PCBP3: variants seen among roughly 807,000 people sequenced by gnomAD.
The protein encoded by PCBP3 is poly(rC)-binding protein 3.
In PCBP3, 25 loss-of-function variants were observed where a neutral mutation model predicts 52.7. The observed-to-expected ratio is 0.47, with a 90% CI of 0.35 to 0.66. The LOEUF is 0.66. Ranked by LOEUF, PCBP3 falls within the 30% of genes least tolerant of loss-of-function variation. PCBP3 has a pLI of 0.01. For missense variants in PCBP3, 391 were observed against 490.3 expected (o/e 0.80, Z 1.91); for synonymous variants, 162 against 183.0 (o/e 0.89, Z 0.93).
chr21:45,695,557 A>T (rs74813739), intron 2 of PCBP3, among the ~76,000 whole-genome samples: 1 of 152,088 alleles, frequency 6.6e-6, no homozygotes, highest in East Asian at 1.9e-4. Flanking sequence ...AGTTTCTTCC[A>T]TTTCTTAGGA....
intron 4 of PCBP3, among the ~76,000 whole-genome samples, chr21:45,787,799 A>G (rs989754462): frequency 2.0e-5 from 3 of 152,156 alleles, no homozygotes; most frequent in Non-Finnish European, 4.4e-5. Context: ...GGCACCTTTG[A>G]CGCTTCACAA....
chr21:45,864,527 T>G (rs2094633532), intron 5 of PCBP3, among the ~76,000 whole-genome samples: 1 of 152,268 alleles, frequency 6.6e-6, no homozygotes, highest in African/African-American at 2.4e-5. Flanking sequence ...GTAAATGAAC[T>G]AAAGTGTTCC....
intron 4 of PCBP3, among the ~76,000 whole-genome samples, chr21:45,775,984 T>G (rs1287916097): frequency 6.6e-6 from 1 of 152,230 alleles, no homozygotes; most frequent in Non-Finnish European, 1.5e-5. Flanking sequence ...GCTATAAAAT[T>G]CCCTCTTAGC....
chr21:45,705,215 C>G (rs946100768), intron 2 of PCBP3, among the ~76,000 whole-genome samples: 1 of 152,210 alleles, frequency 6.6e-6, no homozygotes, highest in African/African-American at 2.4e-5. Context: ...TCTGTGGAGA[C>G]TGGCTGTGTC....
chr21:45,852,169 A>G (rs1484474734), intron 5 of PCBP3, among the ~76,000 whole-genome samples: 1 of 152,264 alleles, frequency 6.6e-6, no homozygotes, highest in Non-Finnish European at 1.5e-5. Context: ...TGATCATTAA[A>G]TAATGTATAC....
At chr21:45,756,105 C>T (rs1310563896) in intron 4 of PCBP3, among the ~76,000 whole-genome samples, 1 of 152,138 alleles carries the variant, frequency 6.6e-6, no homozygotes, top group Admixed American at 6.5e-5. Context: ...CCATTTTGAG[C>T]CACTTTAAGA....
intron 4 of PCBP3, among the ~76,000 whole-genome samples, chr21:45,824,572 C>T (rs1490168775): frequency 2.6e-5 from 4 of 152,216 alleles, no homozygotes; most frequent in South Asian, 2.1e-4. Context: ...TCTCTGCTTC[C>T]GCAACAGCGG....
Position 45,703,932 on chromosome 21 carries a change from T to C in PCBP3, c.-199-31460T>C, listed in dbSNP as rs190464006. On this transcript the variant is annotated intron_variant, in intron 2 of 17. Coordinates refer to ENST00000681687, the MANE Select transcript of PCBP3 (RefSeq NM_001384156.1). ...CAGTTTGGACATGTCCTGTGGTGGA[T>C]AGCAATGGAATGTTACATGTTAGCA... 9.2e-5 allele frequency among the ~76,000 whole-genome samples: 14 copies of C among 152,182 alleles called. No homozygotes were observed. The East Asian group carries it at 2.7e-3, about 29-fold the overall frequency.
chr21:45,777,095 A>G (rs565776955), intron 4 of PCBP3, among the ~76,000 whole-genome samples: 2 of 152,220 alleles, frequency 1.3e-5, no homozygotes, highest in South Asian at 4.1e-4. Context: ...TCGTGTAGGG[A>G]TGATGTAGTG....
chr21:45,678,920 A>C (rs1239177324), intron 2 of PCBP3, among the ~76,000 whole-genome samples: 2 of 152,152 alleles, frequency 1.3e-5, no homozygotes, highest in East Asian at 1.9e-4. Context: ...GAGTCCATTG[A>C]TGTGGCAAAC....
intron 5 of PCBP3, among the ~76,000 whole-genome samples, chr21:45,889,730 G>A (rs2095607206): frequency 6.6e-6 from 1 of 152,346 alleles, no homozygotes; most frequent in Admixed American, 6.5e-5. Flanking sequence ...GGCTACAGAT[G>A]TTTGTTGCCG....
chr21:45,675,018 T>C (rs994822242), intron 2 of PCBP3, among the ~76,000 whole-genome samples: 15 of 152,232 alleles, frequency 9.9e-5, no homozygotes, highest in African/African-American at 3.6e-4. Flanking sequence ...TCTCCTGAGC[T>C]GATAGGGATG....
intron 2 of PCBP3, among the ~76,000 whole-genome samples, chr21:45,710,042 TCAAG>T (rs2083725539): frequency 1.3e-5 from 2 of 152,204 alleles, no homozygotes; most frequent in Non-Finnish European, 2.9e-5. Context: ...TCAGTTTATG[TCAAG>T]GAAGCTCACT....
intron 4 of PCBP3, among the ~76,000 whole-genome samples, chr21:45,771,779 G>T (rs2089888113): frequency 6.6e-6 from 1 of 152,132 alleles, no homozygotes; most frequent in Non-Finnish European, 1.5e-5. Context: ...CAAGAAAGAG[G>T]CATTGGAATT....
At position 45,853,081 on chromosome 21, in the gene PCBP3, G is replaced by C. The variant is rs1366130447; in HGVS notation, c.10+2986G>C. Among the ~76,000 whole-genome samples, 1 of 152,224 alleles carries C rather than the reference G, an allele frequency of 6.6e-6. No individual in the cohort carries two copies. Among genetic ancestry groups the C allele is most frequent in the Non-Finnish European group, 1.5e-5 (1 of 68,040 alleles). Reference sequence around the variant, plus strand: ...GCACCAGGCATTGGGAGCAGATGCGGAAAGTGCACATGCCGCTGGCCAGAG... The same window carrying C: ...GCACCAGGCATTGGGAGCAGATGCGCAAAGTGCACATGCCGCTGGCCAGAG... On this transcript the variant is annotated intron_variant, in intron 5 of 17. Transcript: ENST00000681687. This position sits in a 1 kb window ranked among gnomAD's most constrained non-coding sequence, Gnocchi z 4.6.
intron 1 of PCBP3, among the ~76,000 whole-genome samples, chr21:45,653,037 G>C (rs769095436): frequency 6.6e-6 from 1 of 152,046 alleles, no homozygotes; most frequent in Non-Finnish European, 1.5e-5. Flanking sequence ...TTAGAAGAAC[G>C]TTTAAACATT....
At chr21:45,682,436 A>T (rs1238842980) in intron 2 of PCBP3, among the ~76,000 whole-genome samples, 6 of 152,198 alleles carry the variant, frequency 3.9e-5, no homozygotes, top group Non-Finnish European at 7.3e-5. Context: ...CAGAAAGATC[A>T]TTCTGACTAG....
chr21:45,657,073 G>A (rs573387314), intron 1 of PCBP3, among the ~76,000 whole-genome samples: 16 of 152,218 alleles, frequency 1.1e-4, no homozygotes, highest in Admixed American at 5.9e-4. Flanking sequence ...CACCTGCCTC[G>A]GCCTCCCAAA....
At chr21:45,894,911 C>A (rs2095785902) in intron 5 of PCBP3, among the ~76,000 whole-genome samples, 1 of 152,156 alleles carries the variant, frequency 6.6e-6, no homozygotes, top group Admixed American at 6.5e-5. Context: ...AATAAAATTA[C>A]AAATTAATAC....
Sources: allele counts gnomAD v4.1 joint callset (sites outside exome capture counted in the v4.1 genomes callset), GRCh38; gene constraint gnomAD v4.1.1; non-coding constraint Gnocchi (gnomAD v3.1); transcripts MANE v1.5; gene names NCBI Gene and HGNC (gene_info 2026-07-23, HGNC 2026-07-21).